C4orf33: variants seen among roughly 807,000 people sequenced by gnomAD.
The protein encoded by C4orf33 is UPF0462 protein C4orf33.
In C4orf33, 20 loss-of-function variants were observed where a neutral mutation model predicts 24.3. That is an observed-to-expected ratio of 0.82 (90% confidence interval 0.58 to 1.19). The LOEUF is 1.19. C4orf33 is among the 50% of genes most tolerant of loss of function. The probability of loss-of-function intolerance (pLI) is 0.00; values close to 1 mark genes in which losing one functional copy is unlikely to be tolerated. For missense variants in C4orf33, 207 were observed against 225.9 expected (o/e 0.92, Z 0.54); for synonymous variants, 67 against 76.4 (o/e 0.88, Z 0.64).
At chr4:129,110,614 G>C (rs1753669973) in intron 5 of C4orf33, among the ~76,000 whole-genome samples, 1 of 152,146 alleles carries the variant, frequency 6.6e-6, no homozygotes, top group Non-Finnish European at 1.5e-5. Context: ...TTGCACTATG[G>C]TAGATGGACA....
chr4:129,094,738 T>C (rs1245086856), upstream of C4orf33, among the ~76,000 whole-genome samples: 1 of 152,162 alleles, frequency 6.6e-6, no homozygotes, highest in Admixed American at 6.5e-5. Flanking sequence ...GTTCTGATTT[T>C]TAGTAGCTAT....
Position 129,102,588 on chromosome 4 carries a change from A to G in C4orf33, c.-9-14A>G, listed in dbSNP as rs759891576. 1 of 1,554,358 alleles carries G rather than the reference A, an allele frequency of 6.4e-7. No homozygotes were observed. Reference sequence around the variant, plus strand: ...ATATTGTTAAAGAGTTTGTTTTAACATATTTTCTTTTAGAGACTTCAGATG... The same window carrying G: ...ATATTGTTAAAGAGTTTGTTTTAACGTATTTTCTTTTAGAGACTTCAGATG... On this transcript the variant is annotated splice_polypyrimidine_tract_variant and intron_variant, in intron 1 of 5. Coordinates refer to ENST00000425929, the MANE Select transcript of C4orf33 (RefSeq NM_001099783.2).
chr4:129,099,304 T>A (rs1753286237), intron 1 of C4orf33, among the ~76,000 whole-genome samples: 1 of 152,142 alleles, frequency 6.6e-6, no homozygotes, highest in African/African-American at 2.4e-5. Context: ...ATATATTATT[T>A]CCCCAGCACC....
chr4:129,098,939 G>A (rs1466321822), intron 1 of C4orf33, among the ~76,000 whole-genome samples: 5 of 151,946 alleles, frequency 3.3e-5, no homozygotes, highest in African/African-American at 1.2e-4. Context: ...GAGCAGTGAG[G>A]GCAACTAGAG....
chr4:129,100,987 C>T (rs1359137651), intron 1 of C4orf33, among the ~76,000 whole-genome samples: 1 of 151,864 alleles, frequency 6.6e-6, no homozygotes, highest in Non-Finnish European at 1.5e-5. Context: ...TATTTTATTC[C>T]ATACAATCCA....
upstream of C4orf33, among the ~76,000 whole-genome samples, chr4:129,095,052 AC>A (rs1181157235): frequency 6.6e-6 from 1 of 152,074 alleles, no homozygotes; most frequent in Admixed American, 6.5e-5. Flanking sequence ...TCAGGTGAAA[AC>A]TTTTATGTCT....
chr4:129,106,457 T>G (rs1753520044), intron 2 of C4orf33, 130 bp from the exon 3 acceptor site: 1 of 500,112 alleles, frequency 2.0e-6, no homozygotes, highest in African/African-American at 2.0e-5. Flanking sequence ...TTTTCTTTGC[T>G]CTTTTTCCTA....
At chr4:129,101,248 A>G (rs901857003) in intron 1 of C4orf33, among the ~76,000 whole-genome samples, 9 of 152,204 alleles carry the variant, frequency 5.9e-5, no homozygotes, top group Non-Finnish European at 2.9e-5. Context: ...CAGAGCTTGT[A>G]CATTTGGATC....
chr4:129,097,370 C>T (rs1387043743), intron 1 of C4orf33, among the ~76,000 whole-genome samples: 1 of 152,216 alleles, frequency 6.6e-6, no homozygotes. Flanking sequence ...ACCACTGTTA[C>T]CACTCGTTTC....
chr4:129,109,673 G>C lies in C4orf33; in HGVS notation c.494+1G>C. On this transcript the variant is annotated splice_donor_variant, in intron 5 of 5. Coordinates refer to ENST00000425929, the MANE Select transcript of C4orf33 (RefSeq NM_001099783.2). LOFTEE classifies it high-confidence loss of function. ...TGCAGCAAGGACAAAAACCTGATTTGTAAGTAGAAAATAAATGAAGATATG... is the reference window on the plus strand; with the variant it reads ...TGCAGCAAGGACAAAAACCTGATTTCTAAGTAGAAAATAAATGAAGATATG... 1 of 1,610,568 alleles carries C rather than the reference G, an allele frequency of 6.2e-7. No homozygotes were observed. The highest frequency in any genetic ancestry group is 8.5e-7 in the Non-Finnish European group (1 of 1,177,938).
rs761542531 is a variant in C4orf33 at position 129,111,705 on chromosome 4, A to T, written c.514A>T (p.Lys172Ter). ...KPDFHCLEYF[K>*]SFNFNTLLGE... ...TTTTAGCCATTGCCTAGAATACTTC[A>T]AGTCTTTCAATTTTAACACACTGCT... Residue 172 changes from lysine to a stop codon, truncating the protein, a stop_gained, in exon 6 of 6, where the codon AAG becomes TAG. Coordinates refer to ENST00000425929, the MANE Select transcript of C4orf33 (RefSeq NM_001099783.2). LOFTEE classifies it high-confidence loss of function. The T allele has an allele frequency of 6.2e-7, 1 of 1,610,634 alleles. No homozygotes were observed. The highest frequency in any genetic ancestry group is 2.2e-5 in the East Asian group (1 of 44,796).
chr4:129,093,817 A>G (rs377283246), upstream of C4orf33: 1 of 152,984 alleles, frequency 6.5e-6, no homozygotes, highest in East Asian at 1.9e-4. Flanking sequence ...AACAAACAAA[A>G]AACCAAAATG....
At chr4:129,110,998 A>T (rs1753680196) in intron 5 of C4orf33, among the ~76,000 whole-genome samples, 2 of 152,312 alleles carry the variant, frequency 1.3e-5, no homozygotes, top group South Asian at 4.1e-4. Flanking sequence ...GCTCTTCATC[A>T]GCTAATACCT....
At position 129,116,502 on chromosome 4, in the gene C4orf33, A is replaced by G. The variant is rs1580024635; in HGVS notation, c.*4711A>G. ...TGACTCAATAGTACACTGAAAGCCC[A>G]TGTTTGTAATAATGCCCTAAAGCAC... On this transcript the variant is annotated 3_prime_UTR_variant, in exon 6 of 6. Transcript: ENST00000425929. 1 of 152,324 alleles carries G rather than the reference A, an allele frequency of 6.6e-6. No individual in the cohort carries two copies. Among genetic ancestry groups the G allele is most frequent in the East Asian group, 1.9e-4 (1 of 5,182 alleles). The allele number at this position is 152,324 out of a possible 1,614,324, so 9.4% of individuals were successfully genotyped here. A position where few individuals can be genotyped will look rare whatever the true frequency, so the allele number is the denominator to read the frequency against.
intron 1 of C4orf33, among the ~76,000 whole-genome samples, chr4:129,098,855 T>C (rs1013741341): frequency 3.3e-5 from 5 of 150,766 alleles, no homozygotes; most frequent in African/African-American, 1.2e-4. Flanking sequence ...GGAGTTGCCA[T>C]GGCATTTGTA....
chr4:129,093,907 A>C (rs1052317231), upstream of C4orf33: 1 of 152,274 alleles, frequency 6.6e-6, no homozygotes, highest in African/African-American at 2.4e-5. Flanking sequence ...GCCTTTCTGG[A>C]CTAAGTAAAA....
intron 3 of C4orf33, among the ~76,000 whole-genome samples, chr4:129,107,532 C>A (rs777965523): frequency 1.3e-5 from 2 of 151,796 alleles, no homozygotes; most frequent in Non-Finnish European, 3.0e-5. Flanking sequence ...TGTAGATATT[C>A]TTTTATTTTC....
chr4:129,109,283 C>G (rs371967240), intron 3 of C4orf33, 24 bp from the exon 4 acceptor site: 1 of 1,605,970 alleles, frequency 6.2e-7, no homozygotes, highest in Non-Finnish European at 8.5e-7. Context: ...TTCAAACACT[C>G]ATGAGGAATC....
At chr4:129,106,971 A>C (rs2125802780) in intron 3 of C4orf33, among the ~76,000 whole-genome samples, 1 of 152,084 alleles carries the variant, frequency 6.6e-6, no homozygotes, top group South Asian at 2.1e-4. Context: ...CTCATTATTT[A>C]CGCAATAAAT....
Sources: allele counts gnomAD v4.1 joint callset (sites outside exome capture counted in the v4.1 genomes callset), GRCh38; gene constraint gnomAD v4.1.1; transcripts MANE v1.5; gene names NCBI Gene and HGNC (gene_info 2026-07-23, HGNC 2026-07-21).